Variants in FBXL14 observed in about 807,000 individuals in gnomAD.
The protein encoded by FBXL14 is F-box/LRR-repeat protein 14.
A neutral mutation model predicts 24.5 loss-of-function variants in FBXL14; 11 were observed. The ratio of observed to expected loss-of-function variants is 0.45; its 90% CI spans 0.28 to 0.74. The LOEUF (loss-of-function observed/expected upper bound fraction) is 0.74, where lower values mean the gene tolerates loss of function less well. Among genes scored for constraint, FBXL14 ranks in the 30% least tolerant of loss-of-function variants. FBXL14 has a pLI of 0.12. For missense variants in FBXL14, 384 were observed against 545.6 expected (o/e 0.70, Z 2.95); for synonymous variants, 294 against 240.4 (o/e 1.22, Z -2.06).
rs146355087 is a variant in FBXL14, at chr12:1,582,702, G to A, written c.1194+10171C>T. Among the ~76,000 whole-genome samples, 524 of 152,162 alleles carry A rather than the reference G, an allele frequency of 3.4e-3. 5 individuals are homozygous for A. The highest frequency in any genetic ancestry group is 0.012 in the African/African-American group (505 of 41,498). ...TATTTATTCTCTAACCAAAAATGAC[G>A]TCTATATTACAGAGCTTATAAGCTG... On this transcript the variant is annotated intron_variant, in intron 1 of 1. Coordinates refer to ENST00000339235, the MANE Select transcript of FBXL14 (RefSeq NM_152441.3).
chr12:1,580,535 G>A (rs377058877), intron 1 of FBXL14, among the ~76,000 whole-genome samples: 2 of 152,120 alleles, frequency 1.3e-5, no homozygotes, highest in South Asian at 4.1e-4. Context: ...AACATAGTGG[G>A]GGGGGAGGTC....
Position 1,593,986 on chromosome 12 carries a change from G to A in FBXL14, c.81C>T (p.Arg27=), listed in dbSNP as rs2094496253. ...GCCAGGCGGTGCACACCTGCGCCGC[G>A]CGCCCCTTGTCCCGGACGTCCAGGT... ...FGYLDVRDKG[R]AAQVCTAWRD... is the part of the protein sequence containing the mutation. The change falls in exon 1 of 2, where the codon CGC becomes CGT. Residue 27 remains arginine (R), a synonymous_variant. Transcript: ENST00000339235. This position sits in a 1 kb window ranked among gnomAD's most constrained non-coding sequence, Gnocchi z 7.4. 3 of 1,585,624 alleles carry A rather than the reference G, an allele frequency of 1.9e-6. No homozygotes were observed. The highest frequency in any genetic ancestry group is 2.6e-6 in the Non-Finnish European group (3 of 1,173,970).
chr12:1,588,416 T>A (rs2094481302), intron 1 of FBXL14, among the ~76,000 whole-genome samples: 1 of 152,232 alleles, frequency 6.6e-6, no homozygotes, highest in African/African-American at 2.4e-5. Flanking sequence ...GAACGTTTGC[T>A]TTTTTACATC....
intron 1 of FBXL14, among the ~76,000 whole-genome samples, chr12:1,582,421 T>C (rs2094468520): frequency 6.6e-6 from 1 of 152,098 alleles, no homozygotes; most frequent in Non-Finnish European, 1.5e-5. Flanking sequence ...CAGCCCCGTT[T>C]TCTTCTTCTT....
chr12:1,576,413 G>A (rs1565584048), intron 1 of FBXL14, among the ~76,000 whole-genome samples: 1 of 152,162 alleles, frequency 6.6e-6, no homozygotes, highest in East Asian at 1.9e-4. Context: ...AGAAGGTGGG[G>A]AGAGACCACG....
chr12:1,591,822 G>C (rs1190167000), intron 1 of FBXL14, among the ~76,000 whole-genome samples: 2 of 152,152 alleles, frequency 1.3e-5, no homozygotes, highest in East Asian at 3.8e-4. Context: ...GGGAAACTTG[G>C]AAGAGGGTGA....
rs944213106 is a variant in FBXL14, at chr12:1,567,443, A to G, written c.1195-633T>C. Reference sequence around the variant, plus strand: ...GAGGCAGAGGTTGCAGTGAGCCAAGATCGCGCCACTGTACTGCAGCCTGGG... The same window carrying G: ...GAGGCAGAGGTTGCAGTGAGCCAAGGTCGCGCCACTGTACTGCAGCCTGGG... On this transcript the variant is annotated intron_variant, in intron 1 of 1. Transcript: ENST00000339235. The surrounding 1 kb of genome is among the most constrained non-coding windows in gnomAD (Gnocchi z 4.8). Among the ~76,000 whole-genome samples, 3 of 152,176 alleles carry G rather than the reference A, an allele frequency of 2.0e-5. No homozygotes were observed. The highest frequency in any genetic ancestry group is 2.9e-5 in the Non-Finnish European group (2 of 68,036).
rs914414004 is a variant in FBXL14, at chr12:1,593,362, G to A, written c.705C>T (p.Leu235=). 1.9e-6 allele frequency: 3 copies of A among 1,613,846 alleles called. No individual in the cohort carries two copies. Among genetic ancestry groups the A allele is most frequent in the Non-Finnish European group, 1.7e-6 (2 of 1,180,048 alleles). ...RGLTGLRLLN[L]SFCGGISDAG... is the part of the protein sequence containing the mutation. ...CGTCCGAGATTCCCCCACAGAAGCT[G>A]AGGTTGAGGAGCCTCAGGCCCGTCA... Residue 235 remains leucine (L), a synonymous_variant, in exon 1 of 2, where the codon CTC becomes CTT. Coordinates refer to ENST00000339235, the MANE Select transcript of FBXL14 (RefSeq NM_152441.3). This position sits in a 1 kb window ranked among gnomAD's most constrained non-coding sequence, Gnocchi z 7.4.
chr12:1,571,907 A>G (rs564725755), intron 1 of FBXL14, among the ~76,000 whole-genome samples: 51 of 152,372 alleles, frequency 3.3e-4, no homozygotes, highest in African/African-American at 1.2e-3. Context: ...TCCTGGGTGC[A>G]GGGAGTACCA....
At chr12:1,578,951 C>T (rs908632124) in intron 1 of FBXL14, among the ~76,000 whole-genome samples, 4 of 151,970 alleles carry the variant, frequency 2.6e-5, no homozygotes, top group Non-Finnish European at 5.9e-5. Context: ...CATGTAAAGT[C>T]GGGTGAAGCT....
chr12:1,585,555 A>G (rs2094474902), intron 1 of FBXL14, among the ~76,000 whole-genome samples: 1 of 152,230 alleles, frequency 6.6e-6, no homozygotes, highest in Non-Finnish European at 1.5e-5. Context: ...GTAATTCCAC[A>G]TTAATATTTA....
rs1218920142 is a variant in FBXL14 at position 1,593,816 on chromosome 12, T to C, written c.251A>G (p.Tyr84Cys). 1 of 1,614,096 alleles carries C rather than the reference T, an allele frequency of 6.2e-7. No individual in the cohort carries two copies. The highest frequency in any genetic ancestry group is 1.1e-5 in the South Asian group (1 of 91,080). Residue 84 changes from tyrosine (Y) to cysteine (C), a missense_variant, in exon 1 of 2, where the codon TAC becomes TGC. By Grantham distance (194) the Tyr-to-Cys change is radical. Transcript: ENST00000339235. This position sits in a 1 kb window ranked among gnomAD's most constrained non-coding sequence, Gnocchi z 7.4. ...GATGTTGGCCATGCCCTGGATCACG[T>C]AGCTGAGGCTGCGGCGGAGGCTCAG... is the stretch of plus-strand genomic sequence containing the variant. Reference protein sequence around the residue: ...QILSLRRSLSYVIQGMANIES... With the variant: ...QILSLRRSLSCVIQGMANIES...
At position 1,579,032 on chromosome 12, in the gene FBXL14, C is replaced by T. The variant is rs999959429; in HGVS notation, c.1195-12222G>A. 6.6e-6 allele frequency among the ~76,000 whole-genome samples: 1 copy of T among 152,048 alleles called. No individual in the cohort carries two copies. Among genetic ancestry groups the T allele is most frequent in the Non-Finnish European group, 1.5e-5 (1 of 68,010 alleles). Reference sequence around the variant, plus strand: ...AGCAGGTGTGCCTCAGCGAGCCTGTCATTATCTGGGGAGGGGGCTCCAGAT... The same window carrying T: ...AGCAGGTGTGCCTCAGCGAGCCTGTTATTATCTGGGGAGGGGGCTCCAGAT... On this transcript the variant is annotated intron_variant, in intron 1 of 1. Transcript: ENST00000339235. This position sits in a 1 kb window ranked among gnomAD's most constrained non-coding sequence, Gnocchi z 4.3.
chr12:1,588,325 A>C (rs2154438278), intron 1 of FBXL14, among the ~76,000 whole-genome samples: 1 of 152,294 alleles, frequency 6.6e-6, no homozygotes, highest in South Asian at 2.1e-4. Flanking sequence ...AAGCAGCAGG[A>C]TTTGGGAGCT....
At chr12:1,589,235 CAA>C (rs34818174) in intron 1 of FBXL14, among the ~76,000 whole-genome samples, 1 of 126,124 alleles carries the variant, frequency 7.9e-6, no homozygotes, top group Non-Finnish European at 1.6e-5. Flanking sequence ...AAAAAAAATA[CAA>C]AAAAAAAAAA....
Position 1,566,746 on chromosome 12 carries a change from C to T in FBXL14, c.*2G>A, listed in dbSNP as rs149948738. 1.7e-4 allele frequency: 131 copies of T among 780,934 alleles called. No individual in the cohort carries two copies. In the African/African-American group the frequency reaches 1.9e-3, roughly 11 times the overall value. 48.4% of individuals were successfully genotyped at this position (780,934 alleles called of 1,614,324 possible). A position where few individuals can be genotyped will look rare whatever the true frequency, so the allele number is the denominator to read the frequency against. ...GGGAACCATGTCGTTGTCCCCTCTC[C>T]CTCACCTTCTGGAGCTTCCCCGAGT... On this transcript the variant is annotated 3_prime_UTR_variant, in exon 2 of 2. Coordinates refer to ENST00000339235, the MANE Select transcript of FBXL14 (RefSeq NM_152441.3).
rs932488456 is a variant in FBXL14, at chr12:1,580,104, A to G, written c.1194+12769T>C. ...ATTAAACATTAGGAGTAACGTGGAC[A>G]TTTGCTCAGTGTCGAGGGAAGGGTC... On this transcript the variant is annotated intron_variant, in intron 1 of 1. Coordinates refer to ENST00000339235, the MANE Select transcript of FBXL14 (RefSeq NM_152441.3). Among the ~76,000 whole-genome samples the G allele has an allele frequency of 5.9e-5, 9 of 152,232 alleles. No individual in the cohort carries two copies. In the East Asian group the frequency reaches 1.7e-3, roughly 29 times the overall value.
intron 1 of FBXL14, among the ~76,000 whole-genome samples, chr12:1,580,234 A>G (rs545403721): frequency 6.6e-6 from 1 of 152,340 alleles, no homozygotes; most frequent in South Asian, 2.1e-4. Context: ...CTTGCGGTGT[A>G]TGGACACAGA....
chr12:1,569,397 C>CA lies in FBXL14; in HGVS notation c.1195-2588_1195-2587insT, dbSNP rs2094441417. Among the ~76,000 whole-genome samples, 1 of 134,928 alleles carries CA rather than the reference C, an allele frequency of 7.4e-6. No individual in the cohort carries two copies. The highest frequency in any genetic ancestry group is 2.4e-4 in the South Asian group (1 of 4,216). 88.5% of individuals were successfully genotyped at this position (134,928 alleles called of 152,430 possible). A position where few individuals can be genotyped will look rare whatever the true frequency, so the allele number is the denominator to read the frequency against. ...ATGCTAAATAAGAAACCACTTCGTT[C>CA]TTTTTTTTTTTTTTTTTGTCTGAGA... On this transcript the variant is annotated intron_variant, in intron 1 of 1. Coordinates refer to ENST00000339235, the MANE Select transcript of FBXL14 (RefSeq NM_152441.3). The surrounding 1 kb of genome is among the most constrained non-coding windows in gnomAD (Gnocchi z 4.2).
Sources: allele counts gnomAD v4.1 joint callset (sites outside exome capture counted in the v4.1 genomes callset), GRCh38; gene constraint gnomAD v4.1.1; non-coding constraint Gnocchi (gnomAD v3.1); transcripts MANE v1.5; gene names NCBI Gene and HGNC (gene_info 2026-07-23, HGNC 2026-07-21).